The following IQCJ variants were observed in gnomAD, a reference collection of about 807,000 sequenced individuals.
The protein encoded by IQCJ is IQ domain-containing protein J.
In IQCJ, 9 loss-of-function variants were observed where a neutral mutation model predicts 11.0. The observed-to-expected ratio is 0.82, with a 90% confidence interval of 0.49 to 1.43. The LOEUF (loss-of-function observed/expected upper bound fraction) is 1.43. Among genes scored for constraint, IQCJ ranks in the 40% most tolerant of loss-of-function variants. IQCJ has a pLI of 0.00. For synonymous variants in IQCJ, 55 were observed against 51.3 expected (o/e 1.07, Z -0.31); for missense variants, 146 against 133.2 (o/e 1.10, Z -0.47).
chr3:159,234,166 C>T (rs1048049811), intron 1 of IQCJ, among the ~76,000 whole-genome samples: 2 of 152,104 alleles, frequency 1.3e-5, no homozygotes, highest in African/African-American at 4.8e-5. Context: ...TACTTATTCT[C>T]CTAGGTATGT....
At chr3:159,103,286 T>G (rs1270609154) in intron 1 of IQCJ, among the ~76,000 whole-genome samples, 1 of 152,240 alleles carries the variant, frequency 6.6e-6, no homozygotes, top group African/African-American at 2.4e-5. Flanking sequence ...TTTTCCTGTC[T>G]TTTACATTTT....
chr3:159,229,536 A>G (rs76465824), intron 1 of IQCJ, among the ~76,000 whole-genome samples: 3,296 of 151,962 alleles, frequency 0.022, 112 homozygotes, highest in African/African-American at 0.076. Flanking sequence ...TCCATAGCAC[A>G]GTGTCTAACA....
chr3:159,118,885 A>T (rs1719185858), intron 1 of IQCJ, among the ~76,000 whole-genome samples: 1 of 152,234 alleles, frequency 6.6e-6, no homozygotes, highest in African/African-American at 2.4e-5. Flanking sequence ...AATGATCATT[A>T]TCAGGAAAAG....
chr3:159,215,569 G>A (rs1351206005), intron 1 of IQCJ, among the ~76,000 whole-genome samples: 1 of 152,146 alleles, frequency 6.6e-6, no homozygotes, highest in African/African-American at 2.4e-5. Flanking sequence ...TAGAAAACCA[G>A]ACACATTTAT....
chr3:159,141,121 A>C (rs567865489), intron 1 of IQCJ, among the ~76,000 whole-genome samples: 19 of 151,270 alleles, frequency 1.3e-4, no homozygotes, highest in African/African-American at 4.1e-4. Context: ...AAGAAGGACT[A>C]GATCTCATAT....
chr3:159,237,286 A>G (rs1002264612), intron 1 of IQCJ, among the ~76,000 whole-genome samples: 1 of 152,160 alleles, frequency 6.6e-6, no homozygotes, highest in African/African-American at 2.4e-5. Flanking sequence ...AAAGGAGGAA[A>G]AATAAAAAAC....
chr3:159,161,637 T>A (rs1405287789), intron 1 of IQCJ, among the ~76,000 whole-genome samples: 25 of 152,340 alleles, frequency 1.6e-4, no homozygotes, highest in African/African-American at 5.5e-4. Flanking sequence ...ATGTCCAGGT[T>A]TTCTTCTAGG....
intron 1 of IQCJ, among the ~76,000 whole-genome samples, chr3:159,217,088 T>C (rs1029870884): frequency 6.6e-6 from 1 of 152,162 alleles, no homozygotes; most frequent in African/African-American, 2.4e-5. Flanking sequence ...GTCTTATCCC[T>C]GGCTGCACAG....
intron 1 of IQCJ, among the ~76,000 whole-genome samples, chr3:159,228,916 G>A (rs1726021968): frequency 6.6e-6 from 1 of 152,162 alleles, no homozygotes; most frequent in Admixed American, 6.5e-5. Context: ...ATCTATAGAA[G>A]AAAGACTTAA....
intron 1 of IQCJ, among the ~76,000 whole-genome samples, chr3:159,213,157 T>A (rs1161169268): frequency 6.6e-6 from 1 of 152,194 alleles, no homozygotes; most frequent in Non-Finnish European, 1.5e-5. Context: ...CAGGTAAGAA[T>A]GCCATATGTG....
intron 1 of IQCJ, among the ~76,000 whole-genome samples, chr3:159,183,873 T>C (rs1049225512): frequency 1.3e-5 from 2 of 151,976 alleles, no homozygotes; most frequent in Non-Finnish European, 2.9e-5. Context: ...CCAAAATGTT[T>C]CTTGAATCCA....
intron 1 of IQCJ, among the ~76,000 whole-genome samples, chr3:159,082,894 T>C (rs965028779): frequency 6.6e-6 from 1 of 152,074 alleles, no homozygotes; most frequent in East Asian, 1.9e-4. Flanking sequence ...TTGTTCAAAA[T>C]GTGAGAGAAA....
At chr3:159,155,261 G>A (rs1721451385) in intron 1 of IQCJ, among the ~76,000 whole-genome samples, 1 of 152,178 alleles carries the variant, frequency 6.6e-6, no homozygotes, top group Non-Finnish European at 1.5e-5. Flanking sequence ...GGGTTCAAGA[G>A]ATTCTCCTGC....
chr3:159,237,564 T>A (rs937649061), intron 1 of IQCJ, among the ~76,000 whole-genome samples: 1 of 152,234 alleles, frequency 6.6e-6, no homozygotes, highest in African/African-American at 2.4e-5. Flanking sequence ...CATAACAGTA[T>A]AGCCTAGATT....
intron 1 of IQCJ, among the ~76,000 whole-genome samples, chr3:159,201,511 CTGTG>C (rs59855853): frequency 3.2e-4 from 48 of 149,072 alleles, no homozygotes; most frequent in African/African-American, 5.9e-4. Context: ...TTGTGTATCT[CTGTG>C]TGTGTGTGTG....
rs369373211 is a variant in IQCJ, at chr3:159,087,312, T to C, written c.9+17871T>C. On this transcript the variant is annotated intron_variant, in intron 1 of 3. Coordinates refer to ENST00000397832, the MANE Select transcript of IQCJ (RefSeq NM_001042706.3). The stretch of plus-strand genomic sequence containing the variant: ...AAGCTTTTTGATGTGCTGCTGGATT[T>C]GTTTTGCCAGTATTTTATTGAGGAT... 8.5e-3 allele frequency among the ~76,000 whole-genome samples: 1,291 copies of C among 151,358 alleles called. 16 individuals are homozygous for C. The highest frequency in any genetic ancestry group is 0.03 in the African/African-American group (1,242 of 41,028).
In IQCJ at chr3:159,263,262, G is replaced by A. The variant is rs1728324428; in HGVS notation, c.*531G>A. On this transcript the variant is annotated 3_prime_UTR_variant, in exon 4 of 4. Transcript: ENST00000397832. ...CCATGTGGCGATACAGGCAGGCATG[G>A]CCAAATGTGATTTTCTTTCTTCAGG... The A allele has an allele frequency of 6.1e-6, 2 of 330,234 alleles. No homozygotes were observed. The highest frequency in any genetic ancestry group is 2.2e-5 in the African/African-American group (1 of 44,804). 20.5% of individuals were successfully genotyped at this position (330,234 alleles called of 1,614,324 possible). A position where few individuals can be genotyped will look rare whatever the true frequency, so the allele number is the denominator to read the frequency against.
intron 1 of IQCJ, among the ~76,000 whole-genome samples, chr3:159,080,408 C>T (rs1716230170): frequency 6.6e-6 from 1 of 152,062 alleles, no homozygotes; most frequent in East Asian, 1.9e-4. Flanking sequence ...GTAACCCTGC[C>T]TGATCCCTTC....
At chr3:159,230,320 G>T (rs776953868) in intron 1 of IQCJ, among the ~76,000 whole-genome samples, 2 of 151,934 alleles carry the variant, frequency 1.3e-5, no homozygotes, top group Non-Finnish European at 2.9e-5. Context: ...ATTCCATGTC[G>T]TTTCTATTGT....
Sources: allele counts gnomAD v4.1 joint callset (sites outside exome capture counted in the v4.1 genomes callset), GRCh38; gene constraint gnomAD v4.1.1; transcripts MANE v1.5; gene names NCBI Gene and HGNC (gene_info 2026-07-23, HGNC 2026-07-21).